The following SHISA9 variants were observed in gnomAD, a reference collection of about 807,000 sequenced individuals.
SHISA9 encodes protein shisa-9.
A neutral mutation model predicts 38.0 loss-of-function variants in SHISA9; 13 were observed. The observed-to-expected ratio is 0.34, with a 90% CI of 0.22 to 0.54. SHISA9 has a LOEUF of 0.54. Ranked by LOEUF, SHISA9 falls within the 20% of genes least tolerant of loss-of-function variation. The probability of loss-of-function intolerance (pLI) is 0.91; values close to 1 mark genes in which losing one functional copy is unlikely to be tolerated. For missense variants in SHISA9, 538 were observed against 575.8 expected, an observed-to-expected ratio of 0.93 and a Z score of 0.67; for synonymous variants, 275 against 242.0, an observed-to-expected ratio of 1.14 and a Z score of -1.27.
At chr16:13,355,967 G>C in the SHISA9 span, among the ~76,000 whole-genome samples, 1 of 152,202 alleles carries the variant, frequency 6.6e-6, no homozygotes, top group Non-Finnish European at 1.5e-5. Flanking sequence ...ATGGGACGTG[G>C]CTTAGGAGGA....
At chr16:12,929,861 C>G (rs1369380699) in intron 2 of SHISA9, among the ~76,000 whole-genome samples, 1 of 152,118 alleles carries the variant, frequency 6.6e-6, no homozygotes, top group Non-Finnish European at 1.5e-5. Context: ...AGGGGTTTTA[C>G]ATACGCTCTT....
the SHISA9 span, among the ~76,000 whole-genome samples, chr16:13,562,261 G>C: frequency 6.6e-6 from 1 of 152,168 alleles, no homozygotes; most frequent in African/African-American, 2.4e-5. Context: ...GCCAGCCTTG[G>C]AGTGCACATC....
chr16:12,911,367 AT>A, intron 1 of SHISA9: 1 of 985,268 alleles, frequency 1.0e-6, no homozygotes, highest in East Asian at 1.1e-4. Context: ...AATTCATTAC[AT>A]TTTTTCAGCA....
chr16:13,128,299 G>A (rs2141984793), intron 2 of SHISA9, among the ~76,000 whole-genome samples: 1 of 152,288 alleles, frequency 6.6e-6, no homozygotes, highest in Middle Eastern at 3.4e-3. Context: ...GGAATTCTAT[G>A]TGCATTGTCT....
At position 13,238,069 on chromosome 16, in the gene SHISA9, G is replaced by T. The variant is rs918607774; in HGVS notation, c.*2660G>T. On this transcript the variant is annotated 3_prime_UTR_variant, in exon 5 of 5. Transcript: ENST00000558583. Reference sequence around the variant, plus strand: ...AAGCAGCGATGATTAAATTCCAGCTGGAGTCTGTTGTCTGTGAGTCTGAAC... The same window carrying T: ...AAGCAGCGATGATTAAATTCCAGCTTGAGTCTGTTGTCTGTGAGTCTGAAC... The T allele has an allele frequency of 5.9e-5, 9 of 152,164 alleles. No homozygotes were observed. The highest frequency in any genetic ancestry group is 2.2e-4 in the African/African-American group (9 of 41,426). The allele number at this position is 152,164 out of a possible 1,614,324, so 9.4% of individuals were successfully genotyped here. A position where few individuals can be genotyped will look rare whatever the true frequency, so the allele number is the denominator to read the frequency against.
chr16:13,007,745 T>C (rs945668416), intron 2 of SHISA9, among the ~76,000 whole-genome samples: 1 of 152,244 alleles, frequency 6.6e-6, no homozygotes, highest in African/African-American at 2.4e-5. Context: ...CCTTTGCTTA[T>C]GCATCTTTCT....
At chr16:13,360,254 T>C in the SHISA9 span, among the ~76,000 whole-genome samples, 1 of 152,364 alleles carries the variant, frequency 6.6e-6, no homozygotes, top group East Asian at 1.9e-4. Context: ...TAAATTTTGC[T>C]GCAGCTGATG....
intron 2 of SHISA9, among the ~76,000 whole-genome samples, chr16:13,119,409 G>A (rs1163591481): frequency 6.6e-6 from 1 of 152,122 alleles, no homozygotes; most frequent in Non-Finnish European, 1.5e-5. Flanking sequence ...TTTTGAGCCA[G>A]TCTCAGGGTC....
chr16:13,352,796 A>G, the SHISA9 span, among the ~76,000 whole-genome samples: 2,682 of 143,324 alleles, frequency 0.019, 45 homozygotes, highest in African/African-American at 0.052. Context: ...AGTGGGGGTC[A>G]CAAGGTGCTC....
At chr16:13,219,626 G>T (rs2051202815) in intron 4 of SHISA9, among the ~76,000 whole-genome samples, 1 of 152,146 alleles carries the variant, frequency 6.6e-6, no homozygotes, top group South Asian at 2.1e-4. Flanking sequence ...TGTAGGAGGA[G>T]GGCAAAGAAA....
intron 2 of SHISA9, among the ~76,000 whole-genome samples, chr16:13,199,174 G>T (rs1291241259): frequency 6.6e-6 from 1 of 152,196 alleles, no homozygotes; most frequent in East Asian, 1.9e-4. Flanking sequence ...GGATCAAACA[G>T]ATGAGAGAAA....
At chr16:13,095,759 G>A (rs967692836) in intron 2 of SHISA9, among the ~76,000 whole-genome samples, 1 of 152,196 alleles carries the variant, frequency 6.6e-6, no homozygotes. Flanking sequence ...CAGGCACCTT[G>A]TGAATACTCG....
chr16:12,975,652 G>GC (rs2072149408), intron 2 of SHISA9, among the ~76,000 whole-genome samples: 1 of 145,190 alleles, frequency 6.9e-6, no homozygotes, highest in African/African-American at 2.6e-5. Flanking sequence ...GGGTGGGACG[G>GC]GGGCGGGGGG....
At chr16:12,926,435 T>G (rs376028097) in intron 2 of SHISA9, among the ~76,000 whole-genome samples, 1 of 152,210 alleles carries the variant, frequency 6.6e-6, no homozygotes, top group South Asian at 2.1e-4. Flanking sequence ...AATATTTCTA[T>G]TCAATCAACA....
chr16:12,964,383 T>TG (rs2071951461), intron 2 of SHISA9, among the ~76,000 whole-genome samples: 1 of 142,300 alleles, frequency 7.0e-6, no homozygotes, highest in Non-Finnish European at 1.6e-5. Context: ...TTGGACTTTC[T>TG]GTTTTTTTTT....
At chr16:13,521,605 C>G in the SHISA9 span, among the ~76,000 whole-genome samples, 1 of 152,186 alleles carries the variant, frequency 6.6e-6, no homozygotes, top group African/African-American at 2.4e-5. Context: ...CTTCATTAGT[C>G]AAGGGTTTGG....
At chr16:13,074,117 C>T (rs921239844) in intron 2 of SHISA9, among the ~76,000 whole-genome samples, 1 of 151,774 alleles carries the variant, frequency 6.6e-6, no homozygotes, top group Non-Finnish European at 1.5e-5. Flanking sequence ...TTACAGGCGC[C>T]CGCCATCACG....
the SHISA9 span, among the ~76,000 whole-genome samples, chr16:13,284,338 G>A: frequency 1.3e-5 from 2 of 152,078 alleles, no homozygotes; most frequent in Non-Finnish European, 2.9e-5. Flanking sequence ...TTCACAGTGG[G>A]AAGTCTAGCC....
the SHISA9 span, among the ~76,000 whole-genome samples, chr16:13,328,863 T>A: frequency 6.6e-6 from 1 of 152,006 alleles, no homozygotes; most frequent in Admixed American, 6.6e-5. Context: ...AATACAGAAG[T>A]CCTCAGTAAC....
Sources: gnomAD v4.1 joint callset for allele counts (sites outside exome capture counted in the v4.1 genomes callset) on GRCh38, gnomAD v4.1.1 for gene constraint, MANE v1.5 for transcripts, NCBI Gene and HGNC (gene_info 2026-07-23, HGNC 2026-07-21) for gene names.